The following KIAA1217 variants were observed in gnomAD, a reference collection of about 807,000 sequenced individuals.
KIAA1217 encodes KIAA1217.
A neutral mutation model predicts 163.9 loss-of-function variants in KIAA1217; 88 were observed. The observed-to-expected ratio is 0.54, with a 90% CI of 0.45 to 0.64. The LOEUF (loss-of-function observed/expected upper bound fraction) is 0.64. KIAA1217 is among the 30% of genes least tolerant of loss of function. The pLI is 0.00. For missense variants in KIAA1217, 2,372 were observed against 2,475.0 expected (o/e 0.96, Z 0.88); for synonymous variants, 903 against 923.1 (o/e 0.98, Z 0.39).
At chr10:24,071,781 T>C (rs1290843729) in intron 2 of KIAA1217, among the ~76,000 whole-genome samples, 1 of 152,078 alleles carries the variant, frequency 6.6e-6, no homozygotes, top group Admixed American at 6.6e-5. Context: ...TTATTGCCCA[T>C]CATTAGAAAG....
chr10:24,372,283 A>G (rs887335834), intron 2 of KIAA1217, among the ~76,000 whole-genome samples: 1 of 152,178 alleles, frequency 6.6e-6, no homozygotes, highest in African/African-American at 2.4e-5. Flanking sequence ...ATATAGCAGG[A>G]AAGAAACGTT....
At chr10:24,388,086 T>A (rs1293067596) in intron 3 of KIAA1217, among the ~76,000 whole-genome samples, 1 of 152,186 alleles carries the variant, frequency 6.6e-6, no homozygotes, top group East Asian at 1.9e-4. Flanking sequence ...AAAAAGAGGC[T>A]GTATAGCCAA....
rs534822887 is a variant in KIAA1217, at chr10:24,282,919, C to T, written c.354+63010C>T. On this transcript the variant is annotated intron_variant, in intron 2 of 20. Transcript: ENST00000376454. ...CGCAATCTCGGCTCACTGCAACCTC[C>T]GCCTTCCAGGTTCAAGCAATTCTCC... Among the ~76,000 whole-genome samples the T allele has an allele frequency of 7.3e-5, 11 of 149,770 alleles. No individual in the cohort carries two copies. The East Asian group carries it at 1.4e-3, about 19-fold the overall frequency.
At chr10:24,328,484 G>A (rs2045235870) in intron 2 of KIAA1217, among the ~76,000 whole-genome samples, 1 of 132,970 alleles carries the variant, frequency 7.5e-6, no homozygotes, top group African/African-American at 2.9e-5. Context: ...TTAAGACTGG[G>A]GCGATCAGTT....
intron 3 of KIAA1217, among the ~76,000 whole-genome samples, chr10:24,431,330 T>C (rs2059589371): frequency 6.6e-6 from 1 of 152,216 alleles, no homozygotes; most frequent in Non-Finnish European, 1.5e-5. Context: ...AGTGTCAGGA[T>C]TGTGGATATC....
intron 2 of KIAA1217, among the ~76,000 whole-genome samples, chr10:24,013,986 A>G (rs1457170022): frequency 1.3e-5 from 2 of 152,178 alleles, no homozygotes; most frequent in African/African-American, 4.8e-5. Context: ...TCCTTCCACC[A>G]AAGTATGGAA....
intron 2 of KIAA1217, among the ~76,000 whole-genome samples, chr10:24,117,641 A>T (rs550539459): frequency 6.6e-6 from 1 of 152,282 alleles, no homozygotes; most frequent in Admixed American, 6.5e-5. Flanking sequence ...TCTCAAAAAT[A>T]AAAATTAAAA....
At chr10:24,370,463 G>A (rs2051470632) in intron 2 of KIAA1217, among the ~76,000 whole-genome samples, 1 of 152,124 alleles carries the variant, frequency 6.6e-6, no homozygotes, top group Non-Finnish European at 1.5e-5. Context: ...CCTTCAGGAA[G>A]CAAAATCATA....
intron 20 of KIAA1217, 150 bp from the exon 21 acceptor site, chr10:24,545,677 A>G (rs1042259947): frequency 2.1e-6 from 3 of 1,451,802 alleles, no homozygotes; most frequent in Non-Finnish European, 2.7e-6. Context: ...GGTCCAGTAG[A>G]GCACAACAAG....
upstream of KIAA1217, chr10:24,209,128 G>T (rs373254876): frequency 6.7e-7 from 1 of 1,501,156 alleles, no homozygotes; most frequent in South Asian, 1.1e-5. Context: ...GGCGCTTTCT[G>T]GGAGCTTTTA....
chr10:24,175,314 T>C (rs931631117), intron 2 of KIAA1217, among the ~76,000 whole-genome samples: 3 of 152,214 alleles, frequency 2.0e-5, no homozygotes, highest in African/African-American at 7.2e-5. Flanking sequence ...AGTGAGAACA[T>C]ACAATGTTCG....
intron 2 of KIAA1217, among the ~76,000 whole-genome samples, chr10:24,304,797 TA>T (rs1436615139): frequency 1.3e-5 from 2 of 152,152 alleles, no homozygotes; most frequent in African/African-American, 2.4e-5. Flanking sequence ...CAAAGCTATG[TA>T]GCCTCTACAA....
intron 6 of KIAA1217, among the ~76,000 whole-genome samples, chr10:24,475,225 A>G (rs1462181473): frequency 6.6e-6 from 1 of 152,198 alleles, no homozygotes; most frequent in African/African-American, 2.4e-5. Context: ...ATCTCAAAAG[A>G]AAAAAGAAAA....
intron 2 of KIAA1217, among the ~76,000 whole-genome samples, chr10:24,129,983 C>G (rs150011869): frequency 1.3e-5 from 2 of 152,048 alleles, no homozygotes; most frequent in Admixed American, 6.6e-5. Flanking sequence ...TCCTGTACCC[C>G]CTTCCTCCTT....
At chr10:24,190,156 C>A (rs939789009) in intron 2 of KIAA1217, among the ~76,000 whole-genome samples, 1 of 152,114 alleles carries the variant, frequency 6.6e-6, no homozygotes, top group South Asian at 2.1e-4. Context: ...GGCGTTTCCC[C>A]TTGGTATAAG....
chr10:23,790,190 T>TGC (rs1835713528), intron 1 of KIAA1217, among the ~76,000 whole-genome samples: 2 of 71,006 alleles, frequency 2.8e-5, no homozygotes, highest in Non-Finnish European at 5.1e-5. Context: ...TATACACATA[T>TGC]ACACATATGC....
chr10:24,376,163 TGAG>T (rs2052460080), intron 2 of KIAA1217, among the ~76,000 whole-genome samples: 2 of 152,256 alleles, frequency 1.3e-5, no homozygotes, highest in Admixed American at 1.3e-4. Context: ...TGCATACACT[TGAG>T]GACATAAATG....
At chr10:23,807,942 T>G (rs1836819766) in intron 1 of KIAA1217, among the ~76,000 whole-genome samples, 2 of 152,162 alleles carry the variant, frequency 1.3e-5, no homozygotes, top group Admixed American at 1.3e-4. Context: ...AGCCAGGAGT[T>G]AGAAAGGGCT....
At chr10:24,251,744 A>C (rs781053720) in intron 2 of KIAA1217, among the ~76,000 whole-genome samples, 1 of 151,962 alleles carries the variant, frequency 6.6e-6, no homozygotes, top group Non-Finnish European at 1.5e-5. Flanking sequence ...GGGAGGTGGA[A>C]GGAATTTCAC....
Sources: gnomAD v4.1 joint callset for allele counts (sites outside exome capture counted in the v4.1 genomes callset) on GRCh38, gnomAD v4.1.1 for gene constraint, MANE v1.5 for transcripts, NCBI Gene and HGNC (gene_info 2026-07-23, HGNC 2026-07-21) for gene names.